TRPM1: variants seen among roughly 807,000 people sequenced by gnomAD.
The protein encoded by TRPM1 is transient receptor potential cation channel subfamily M member 1, also known as TRPM1-203 APA Isoform, Intron 10.
TRPM1 carries 113 observed loss-of-function variants against 149.4 expected under a neutral mutation model. The ratio of observed to expected loss-of-function variants is 0.76; its 90% CI spans 0.65 to 0.88. The LOEUF is 0.88. TRPM1 is among the 40% of genes least tolerant of loss of function. TRPM1 has a pLI of 0.00. For missense variants in TRPM1, 1,976 were observed against 2,038.7 expected, an observed-to-expected ratio of 0.97 and a Z score of 0.59; for synonymous variants, 741 against 759.5, an observed-to-expected ratio of 0.98 and a Z score of 0.40.
intron 1 of TRPM1, among the ~76,000 whole-genome samples, chr15:31,113,245 G>A (rs572273663): frequency 6.6e-6 from 1 of 152,222 alleles, no homozygotes; most frequent in South Asian, 2.1e-4. Flanking sequence ...AACAAGAAAG[G>A]GAGGGCTCCA....
At chr15:31,159,125 G>C (rs930777758) in intron 1 of TRPM1, among the ~76,000 whole-genome samples, 2 of 152,146 alleles carry the variant, frequency 1.3e-5, no homozygotes, top group Non-Finnish European at 2.9e-5. Flanking sequence ...TGGGCTTGAA[G>C]TAATGCAGTG....
chr15:31,060,383 G>C, intron 11 of TRPM1, 161 bp downstream of exon 11: 1 of 691,572 alleles, frequency 1.4e-6, no homozygotes, highest in Admixed American at 2.1e-5. Context: ...GTTCTTTGAA[G>C]TTAAACAGTG....
chr15:31,098,465 C>A (rs1305788276), intron 1 of TRPM1, among the ~76,000 whole-genome samples: 3 of 152,136 alleles, frequency 2.0e-5, no homozygotes, highest in Non-Finnish European at 2.9e-5. Context: ...ACGTCAAACA[C>A]TAAGCATGGT....
At chr15:31,005,104 A>AAAATAAATAAAT (rs71420541) in intron 27 of TRPM1, among the ~76,000 whole-genome samples, 24,835 of 142,618 alleles carry the variant, frequency 0.17, 2,460 homozygotes, top group African/African-American at 0.26. Context: ...TCCATCTCAA[A>AAAATAAATAAAT]AAATAAATAA....
At chr15:31,026,723 A>G (rs1322759688) in intron 26 of TRPM1, among the ~76,000 whole-genome samples, 192 bp downstream of exon 26, 2 of 152,210 alleles carry the variant, frequency 1.3e-5, no homozygotes, top group Non-Finnish European at 2.9e-5. Flanking sequence ...TCCTAATATT[A>G]ATTACTAACA....
intron 1 of TRPM1, among the ~76,000 whole-genome samples, chr15:31,082,827 GC>G (rs2034897580): frequency 6.6e-6 from 1 of 152,234 alleles, no homozygotes; most frequent in South Asian, 2.1e-4. Context: ...GAGTGAGGGG[GC>G]CGAGGAAGTG....
At chr15:31,130,477 G>T (rs928330451) in intron 1 of TRPM1, among the ~76,000 whole-genome samples, 27 of 152,218 alleles carry the variant, frequency 1.8e-4, no homozygotes, top group African/African-American at 6.5e-4. Context: ...TCTTCCCTAG[G>T]GACCAATCTG....
intron 1 of TRPM1, among the ~76,000 whole-genome samples, chr15:31,090,245 C>T (rs1380043985): frequency 6.6e-6 from 1 of 152,126 alleles, no homozygotes; most frequent in African/African-American, 2.4e-5. Context: ...ACACAGACAG[C>T]TTCCTCACCC....
Position 31,038,151 on chromosome 15 carries a change from G to A in TRPM1, c.2332C>T (p.Leu778Phe). The change falls in exon 19 of 28, where the codon CTT (leucine) becomes TTT (phenylalanine). Residue 778 changes from leucine to phenylalanine, a missense_variant. This residue lies in a region of TRPM1 where 1,332 missense variants were observed against 1,347.1 expected (regional missense o/e 0.99). Transcript: ENST00000256552. ...NPGLKVIMGI[L>F]LPPTILFLEF... ...AAAAACAAGATGGTGGGGGGTAGAA[G>A]AATCCCCATGATAACCTACGGAACA... 1 of 1,614,048 alleles carries A rather than the reference G, an allele frequency of 6.2e-7. No homozygotes were observed. The highest frequency in any genetic ancestry group is 2.2e-5 in the East Asian group (1 of 44,882).
At chr15:31,055,714 T>C (rs573895984) in intron 11 of TRPM1, among the ~76,000 whole-genome samples, 2 of 152,324 alleles carry the variant, frequency 1.3e-5, no homozygotes, top group African/African-American at 4.8e-5. Flanking sequence ...GTTCAGGCGA[T>C]ACTCTCCTTC....
intron 1 of TRPM1, among the ~76,000 whole-genome samples, chr15:31,128,016 C>T (rs2035973034): frequency 6.6e-6 from 1 of 152,162 alleles, no homozygotes; most frequent in Non-Finnish European, 1.5e-5. Flanking sequence ...TGGTCCAAGG[C>T]AGAGCCAGGG....
Position 31,060,554 on chromosome 15 carries a change from G to T in TRPM1, c.1253C>A (p.Pro418His), listed in dbSNP as rs1220476045. The change falls in exon 11 of 28, where the codon CCC (proline) becomes CAC (histidine). Residue 418 changes from proline to histidine, a missense_variant. Coordinates refer to ENST00000256552, the MANE Select transcript of TRPM1 (RefSeq NM_001252024.2). Reference protein sequence around the residue: ...IARSQIFVFGPHWPPLGSLAP... With the variant: ...IARSQIFVFGHHWPPLGSLAP... ...AAAAAACAGTTTCACCGGCCAGTGG[G>T]GCCCAAAGACAAAGATCTGGCTTCG... The T allele has an allele frequency of 6.2e-7, 1 of 1,614,100 alleles. No individual in the cohort carries two copies. Among genetic ancestry groups the T allele is most frequent in the Non-Finnish European group, 8.5e-7 (1 of 1,179,932 alleles).
Position 31,032,819 on chromosome 15 carries a change from T to C in TRPM1, c.2822A>G (p.Gln941Arg), listed in dbSNP as rs1172492113. 2 of 1,614,244 alleles carry C rather than the reference T, an allele frequency of 1.2e-6. No homozygotes were observed. Among genetic ancestry groups the C allele is most frequent in the East Asian group, 4.5e-5 (2 of 44,890 alleles). The change falls in exon 22 of 28, where the codon CAG (glutamine) becomes CGG (arginine). Residue 941 changes from glutamine (Q) to arginine (R), a missense_variant. Gln to Arg is a conservative substitution (Grantham distance 43). Coordinates refer to ENST00000256552, the MANE Select transcript of TRPM1 (RefSeq NM_001252024.2). ...TFMIGAILRL[Q>R]NQPYMGYGRV... ...GCCATAGCCCATGTAGGGCTGGTTC[T>C]GTAGGCGAAGAATTGCTCCAATCAT...
chr15:31,099,160 A>G (rs964765512), intron 1 of TRPM1, among the ~76,000 whole-genome samples: 1 of 152,252 alleles, frequency 6.6e-6, no homozygotes, highest in Non-Finnish European at 1.5e-5. Flanking sequence ...TCCTTCACCC[A>G]TGGCTGAGTC....
At chr15:31,023,280 C>T (rs2032611081) in intron 27 of TRPM1, among the ~76,000 whole-genome samples, 1 of 152,218 alleles carries the variant, frequency 6.6e-6, no homozygotes, top group South Asian at 2.1e-4. Context: ...TGCAGAGCCC[C>T]TGTGGCAGGA....
chr15:31,083,316 T>G (rs1308576898), intron 1 of TRPM1, among the ~76,000 whole-genome samples: 1 of 152,224 alleles, frequency 6.6e-6, no homozygotes, highest in African/African-American at 2.4e-5. Flanking sequence ...ACATATGGGC[T>G]TGGTTGGAAC....
chr15:31,062,956 G>T, intron 8 of TRPM1, 162 bp downstream of exon 8: 1 of 1,065,640 alleles, frequency 9.4e-7, no homozygotes, highest in Non-Finnish European at 1.4e-6. Flanking sequence ...GCCTCTGATG[G>T]TTCCCCTGGA....
At chr15:31,008,713 C>T (rs547163678) in intron 27 of TRPM1, among the ~76,000 whole-genome samples, 105 of 152,244 alleles carry the variant, frequency 6.9e-4, no homozygotes, top group African/African-American at 2.4e-3. Flanking sequence ...ACAGCATTTA[C>T]TATACATTTT....
intron 1 of TRPM1, among the ~76,000 whole-genome samples, chr15:31,133,757 A>G (rs1390329406): frequency 6.6e-6 from 1 of 152,176 alleles, no homozygotes. Flanking sequence ...GAGAGGCCCC[A>G]TCCAGCCTAG....
Sources: allele counts gnomAD v4.1 joint callset (sites outside exome capture counted in the v4.1 genomes callset), GRCh38; gene constraint gnomAD v4.1.1; regional missense constraint gnomAD v4.1.1; transcripts MANE v1.5; gene names NCBI Gene and HGNC (gene_info 2026-07-23, HGNC 2026-07-21).